The following SLC4A4 variants were observed in gnomAD, a reference collection of about 807,000 sequenced individuals.
SLC4A4 encodes electrogenic sodium bicarbonate cotransporter 1.
A neutral mutation model predicts 111.5 loss-of-function variants in SLC4A4; 27 were observed. The ratio of observed to expected loss-of-function variants is 0.24; its 90% confidence interval spans 0.18 to 0.33. The LOEUF (loss-of-function observed/expected upper bound fraction) is 0.33, where lower values mean the gene tolerates loss of function less well. Ranked by LOEUF, SLC4A4 falls within the 10% of genes least tolerant of loss-of-function variation. The pLI is 1.00. For missense variants in SLC4A4, 909 were observed against 1,315.5 expected (o/e 0.69, Z 4.78); for synonymous variants, 443 against 463.4 (o/e 0.96, Z 0.57).
chr4:71,088,482 G>C (rs534343985), intron 1 of SLC4A4, among the ~76,000 whole-genome samples: 7 of 152,156 alleles, frequency 4.6e-5, no homozygotes, highest in Non-Finnish European at 1.0e-4. Context: ...GTTAGTTGAT[G>C]CAGTTTCTTC....
At chr4:71,416,384 A>G (rs1179858974) in intron 7 of SLC4A4, among the ~76,000 whole-genome samples, 2 of 152,236 alleles carry the variant, frequency 1.3e-5, no homozygotes, top group African/African-American at 4.8e-5. Flanking sequence ...AATAATTACT[A>G]ATAAAACAAT....
chr4:71,238,567 TG>T (rs1177073805), intron 2 of SLC4A4, among the ~76,000 whole-genome samples: 2 of 152,172 alleles, frequency 1.3e-5, no homozygotes, highest in African/African-American at 4.8e-5. Context: ...CTGTCTTTCA[TG>T]TTGATTGGCA....
chr4:71,294,920 C>A (rs935729286), intron 3 of SLC4A4, among the ~76,000 whole-genome samples: 4 of 152,170 alleles, frequency 2.6e-5, no homozygotes, highest in Non-Finnish European at 5.9e-5. Context: ...TTTCCTATGA[C>A]AAAAATCCAA....
intron 7 of SLC4A4, among the ~76,000 whole-genome samples, chr4:71,426,754 T>C (rs796914115): frequency 1.1e-4 from 17 of 152,208 alleles, no homozygotes; most frequent in African/African-American, 4.1e-4. Flanking sequence ...TCTAAAGTAA[T>C]GGAATATTAG....
intron 18 of SLC4A4, among the ~76,000 whole-genome samples, chr4:71,541,215 T>C (rs2149225478): frequency 6.6e-6 from 1 of 152,226 alleles, no homozygotes; most frequent in East Asian, 1.9e-4. Flanking sequence ...TCATTCTAAG[T>C]GAAACAGGAA....
At chr4:71,529,917 T>C (rs1733765304) in intron 16 of SLC4A4, among the ~76,000 whole-genome samples, 1 of 152,138 alleles carries the variant, frequency 6.6e-6, no homozygotes, top group African/African-American at 2.4e-5. Flanking sequence ...GACCTACTGG[T>C]CTAGAGGGGT....
intron 2 of SLC4A4, among the ~76,000 whole-genome samples, chr4:71,102,838 G>A (rs1415827346): frequency 2.0e-5 from 3 of 150,420 alleles, no homozygotes; most frequent in South Asian, 2.1e-4. Flanking sequence ...AAAGACCATC[G>A]AGACTAGGAA....
At chr4:71,224,086 C>T (rs1194867518) in intron 1 of SLC4A4, among the ~76,000 whole-genome samples, 1 of 152,146 alleles carries the variant, frequency 6.6e-6, no homozygotes, top group East Asian at 1.9e-4. Context: ...TCCTGTTCCT[C>T]CCAGACAGAT....
intron 7 of SLC4A4, among the ~76,000 whole-genome samples, chr4:71,433,867 G>A (rs1367248423): frequency 6.6e-6 from 1 of 152,078 alleles, no homozygotes; most frequent in Admixed American, 6.6e-5. Context: ...TGTATAAGTT[G>A]TGGTATATTT....
At chr4:71,419,744 C>G (rs1187986538) in intron 7 of SLC4A4, among the ~76,000 whole-genome samples, 1 of 152,224 alleles carries the variant, frequency 6.6e-6, no homozygotes, top group African/African-American at 2.4e-5. Flanking sequence ...TGAGATGAAC[C>G]CGGTACCTCA....
intron 6 of SLC4A4, among the ~76,000 whole-genome samples, chr4:71,366,076 T>TCC (rs1731273873): frequency 1.3e-5 from 2 of 152,180 alleles, no homozygotes; most frequent in African/African-American, 4.8e-5. Context: ...TGATTGTCTT[T>TCC]ATTGGCTTTC....
chr4:71,344,292 C>T (rs927717841), intron 4 of SLC4A4, among the ~76,000 whole-genome samples: 6 of 152,064 alleles, frequency 3.9e-5, no homozygotes, highest in African/African-American at 9.7e-5. Flanking sequence ...TTTGGAGAGG[C>T]GTGGAGTGAA....
At position 71,488,266 on chromosome 4, in the gene SLC4A4, A is replaced by C. The variant is rs184425171; in HGVS notation, c.1974+1248A>C. 3.3e-5 allele frequency among the ~76,000 whole-genome samples: 5 copies of C among 151,676 alleles called. No homozygotes were observed. In the East Asian group the frequency reaches 9.7e-4, roughly 30 times the overall value. On this transcript the variant is annotated intron_variant, in intron 15 of 25. Transcript: ENST00000264485. The stretch of plus-strand genomic sequence containing the variant: ...AAGAAAAGAAATTGTTATCTAACTT[A>C]ATTCTTTTTGTAACTAATCAAGGGA...
At chr4:71,087,511 A>G (rs1282061759) in intron 1 of SLC4A4, among the ~76,000 whole-genome samples, 4 of 152,078 alleles carry the variant, frequency 2.6e-5, no homozygotes, top group South Asian at 2.1e-4. Flanking sequence ...TGTCAATTTT[A>G]GATCTTTCCT....
chr4:71,402,703 A>T (rs918427907), intron 7 of SLC4A4, among the ~76,000 whole-genome samples: 42 of 152,202 alleles, frequency 2.8e-4, no homozygotes, highest in Non-Finnish European at 4.4e-5. Flanking sequence ...TAGTCACTAC[A>T]GTTTTGGTGA....
At chr4:71,139,903 A>C (rs1743949801) in intron 2 of SLC4A4, among the ~76,000 whole-genome samples, 1 of 151,362 alleles carries the variant, frequency 6.6e-6, no homozygotes, top group Non-Finnish European at 1.5e-5. Context: ...CATTGTTGTT[A>C]ATCATAGTCA....
intron 1 of SLC4A4, among the ~76,000 whole-genome samples, chr4:71,214,653 A>T (rs1229300298): frequency 1.3e-5 from 2 of 152,228 alleles, no homozygotes; most frequent in Admixed American, 6.5e-5. Flanking sequence ...TGAGCAAAAA[A>T]AGAAAGTTGG....
At chr4:71,219,348 G>A (rs544520647) in intron 1 of SLC4A4, among the ~76,000 whole-genome samples, 8 of 152,276 alleles carry the variant, frequency 5.3e-5, no homozygotes, top group Admixed American at 2.6e-4. Context: ...TCTGAAGATG[G>A]AACAGCACAG....
intron 2 of SLC4A4, among the ~76,000 whole-genome samples, chr4:71,138,942 G>A (rs566331570): frequency 7.3e-5 from 11 of 151,534 alleles, no homozygotes; most frequent in East Asian, 2.0e-4. Context: ...AGGCTGAGGC[G>A]GGAGAACGGT....
Sources: gnomAD v4.1 joint callset for allele counts (sites outside exome capture counted in the v4.1 genomes callset) on GRCh38, gnomAD v4.1.1 for gene constraint, MANE v1.5 for transcripts, NCBI Gene and HGNC (gene_info 2026-07-23, HGNC 2026-07-21) for gene names.